Variants in HS6ST2 observed in about 807,000 individuals in gnomAD.
HS6ST2 encodes the protein heparan-sulfate 6-O-sulfotransferase 2.
HS6ST2 carries 17 observed loss-of-function variants against 33.0 expected under a neutral mutation model. The ratio of observed to expected loss-of-function variants is 0.52; its 90% CI spans 0.35 to 0.77. HS6ST2 has a LOEUF of 0.77. HS6ST2 is among the 30% of genes least tolerant of loss of function. HS6ST2 has a pLI of 0.01. For missense variants in HS6ST2, 519 were observed against 551.7 expected (o/e 0.94, Z 0.59); for synonymous variants, 248 against 237.1 (o/e 1.05, Z -0.42).
At chrX:132,784,287 C>T (rs1415261155) in intron 2 of HS6ST2, among the ~76,000 whole-genome samples, 2 of 111,224 alleles carry the variant, frequency 1.8e-5, no homozygotes. Flanking sequence ...GGAACTGAGC[C>T]TCAATGTCTC....
chrX:132,740,717 G>A (rs1483695347), intron 2 of HS6ST2, among the ~76,000 whole-genome samples: 1 of 109,949 alleles, frequency 9.1e-6, no homozygotes, highest in Non-Finnish European at 1.9e-5. Context: ...ACCACTGGAT[G>A]GCAATCCTCT....
intron 1 of HS6ST2, among the ~76,000 whole-genome samples, chrX:132,957,578 C>T (rs2067097666): frequency 9.1e-6 from 1 of 110,154 alleles, no homozygotes; most frequent in Admixed American, 9.5e-5. Context: ...GGGCCGTTCG[C>T]CCCCTCCCCC....
intron 4 of HS6ST2, among the ~76,000 whole-genome samples, chrX:132,637,829 T>A (rs1181965386): frequency 2.2e-5 from 1 of 44,573 alleles, no homozygotes; most frequent in Non-Finnish European, 3.0e-5. Flanking sequence ...TATATAATAT[T>A]ATATATAATA....
At chrX:132,806,134 A>T (rs897030079) in intron 2 of HS6ST2, among the ~76,000 whole-genome samples, 1 of 110,299 alleles carries the variant, frequency 9.1e-6, no homozygotes, top group Non-Finnish European at 1.9e-5. Context: ...CAAGCAATTC[A>T]ATTCATCTTA....
In HS6ST2 at chrX:132,828,270, C is replaced by A. The variant is rs1452348955; in HGVS notation, c.948-119776G>T. Reference sequence around the variant, plus strand: ...CATTGTCACCCCCTACCTGCTACCGCACATGGTTCAGAACAGATGGTAGTG... The same window carrying A: ...CATTGTCACCCCCTACCTGCTACCGAACATGGTTCAGAACAGATGGTAGTG... On this transcript the variant is annotated intron_variant, in intron 2 of 4. Transcript: ENST00000370833. Among the ~76,000 whole-genome samples the A allele has an allele frequency of 3.6e-5, 4 of 110,409 alleles. No homozygotes were observed. The East Asian group carries it at 1.1e-3, about 32-fold the overall frequency.
intron 2 of HS6ST2, among the ~76,000 whole-genome samples, chrX:132,752,880 A>G (rs1483141885): frequency 2.7e-5 from 3 of 112,327 alleles, no homozygotes; most frequent in Admixed American, 9.4e-5. Context: ...AAAGGAGGAA[A>G]GAGAGCAACA....
At chrX:132,744,068 A>G (rs2064610901) in intron 2 of HS6ST2, among the ~76,000 whole-genome samples, 2 of 111,668 alleles carry the variant, frequency 1.8e-5, no homozygotes, top group African/African-American at 3.3e-5. Flanking sequence ...GATTACAGGC[A>G]TGAGCCACCA....
chrX:132,767,584 C>T (rs1440678245), intron 2 of HS6ST2, among the ~76,000 whole-genome samples: 2 of 110,815 alleles, frequency 1.8e-5, no homozygotes, highest in African/African-American at 6.6e-5. Flanking sequence ...ATTATTTCTC[C>T]AAACTAGAAT....
intron 4 of HS6ST2, among the ~76,000 whole-genome samples, chrX:132,657,700 G>A (rs1299335209): frequency 9.3e-6 from 1 of 106,983 alleles, no homozygotes; most frequent in Non-Finnish European, 1.9e-5. Flanking sequence ...ACAGAAGAAG[G>A]GGGAGCAGTA....
intron 2 of HS6ST2, among the ~76,000 whole-genome samples, chrX:132,779,440 G>T (rs1028829897): frequency 9.0e-6 from 1 of 111,552 alleles, no homozygotes; most frequent in South Asian, 3.8e-4. Flanking sequence ...AAAGAGTACA[G>T]CAGAACTGTC....
intron 2 of HS6ST2, among the ~76,000 whole-genome samples, chrX:132,767,295 T>C (rs1602654596): frequency 8.9e-6 from 1 of 112,083 alleles, no homozygotes; most frequent in South Asian, 3.7e-4. Context: ...CACAGCTCAC[T>C]GTAGCCTCGA....
intron 3 of HS6ST2, among the ~76,000 whole-genome samples, chrX:132,684,453 G>A (rs1244609651): frequency 2.7e-5 from 3 of 109,383 alleles, no homozygotes; most frequent in African/African-American, 1.0e-4. Flanking sequence ...TGGAAGGTAG[G>A]CCAGTAACAG....
chrX:132,753,922 C>A (rs1443129644), intron 2 of HS6ST2, among the ~76,000 whole-genome samples: 1 of 112,078 alleles, frequency 8.9e-6, no homozygotes, highest in Admixed American at 9.4e-5. Context: ...TCCCATAAGC[C>A]CCACACCCAG....
chrX:132,631,277 A>AT (rs1014318760), intron 4 of HS6ST2, among the ~76,000 whole-genome samples: 1 of 111,972 alleles, frequency 8.9e-6, no homozygotes, highest in African/African-American at 3.2e-5. Flanking sequence ...CACTTTATAT[A>AT]TTTTTTCAGG....
chrX:132,874,147 A>T (rs1291461316), intron 2 of HS6ST2, among the ~76,000 whole-genome samples: 1 of 111,970 alleles, frequency 8.9e-6, no homozygotes, highest in Non-Finnish European at 1.9e-5. Flanking sequence ...TGGCCTTGGG[A>T]ATGATCTGTG....
chrX:132,653,363 T>C (rs1336133500), intron 4 of HS6ST2, among the ~76,000 whole-genome samples: 1 of 112,345 alleles, frequency 8.9e-6, no homozygotes, highest in Non-Finnish European at 1.9e-5. Flanking sequence ...ATAAACACTA[T>C]CTTGGGAGAT....
intron 2 of HS6ST2, among the ~76,000 whole-genome samples, chrX:132,911,859 G>A (rs5977781): frequency 0.11 from 12,333 of 110,454 alleles, 1,665 homozygotes; most frequent in African/African-American, 0.38. Flanking sequence ...GGATGGTTGC[G>A]ATCTCCTGAC....
At chrX:132,708,855 C>A (rs1378973868) in intron 2 of HS6ST2, among the ~76,000 whole-genome samples, 1 of 112,085 alleles carries the variant, frequency 8.9e-6, no homozygotes, top group Admixed American at 9.5e-5. Context: ...AAACCAAACC[C>A]AACCCTGTGG....
intron 4 of HS6ST2, among the ~76,000 whole-genome samples, chrX:132,658,884 T>A (rs1483625652): frequency 2.7e-5 from 3 of 111,691 alleles, no homozygotes; most frequent in Non-Finnish European, 5.6e-5. Flanking sequence ...AAACATATTA[T>A]TACGCCTGCC....
Sources: allele counts gnomAD v4.1 joint callset (sites outside exome capture counted in the v4.1 genomes callset), GRCh38; gene constraint gnomAD v4.1.1; transcripts MANE v1.5; gene names NCBI Gene and HGNC (gene_info 2026-07-23, HGNC 2026-07-21).